Variants in SLC17A4 observed in about 807,000 individuals in gnomAD.
SLC17A4 encodes solute carrier family 17 member 4, also known as probable small intestine urate exporter.
Under a neutral mutation model 52.5 loss-of-function variants are expected in SLC17A4, and 33 were observed. The observed-to-expected ratio is 0.63, with a 90% CI of 0.48 to 0.84. SLC17A4 has a LOEUF of 0.84. SLC17A4 is among the 40% of genes least tolerant of loss of function. The probability of loss-of-function intolerance (pLI) is 0.00; values close to 1 mark genes in which losing one functional copy is unlikely to be tolerated. For missense variants in SLC17A4, 585 were observed against 597.1 expected, an observed-to-expected ratio of 0.98 and a Z score of 0.21; for synonymous variants, 225 against 216.2, an observed-to-expected ratio of 1.04 and a Z score of -0.36.
intron 2 of SLC17A4, among the ~76,000 whole-genome samples, chr6:25,762,298 G>A (rs949014805): frequency 1.3e-5 from 2 of 152,042 alleles, no homozygotes; most frequent in African/African-American, 4.8e-5. Context: ...AGAGATGAAG[G>A]AAAAAAATCA....
chr6:25,764,889 A>G (rs1446010612), intron 2 of SLC17A4, among the ~76,000 whole-genome samples: 2 of 152,220 alleles, frequency 1.3e-5, no homozygotes, highest in Admixed American at 1.3e-4. Context: ...GGAAATTTGG[A>G]AGGCTTTCTC....
At chr6:25,765,640 A>G (rs1316782371) in intron 2 of SLC17A4, among the ~76,000 whole-genome samples, 1 of 152,236 alleles carries the variant, frequency 6.6e-6, no homozygotes, top group Non-Finnish European at 1.5e-5. Context: ...GAGAAAGGAA[A>G]CTAAGGAGGA....
chr6:25,757,206 T>C (rs902126090), intron 1 of SLC17A4, among the ~76,000 whole-genome samples: 1 of 152,212 alleles, frequency 6.6e-6, no homozygotes, highest in African/African-American at 2.4e-5. Flanking sequence ...GCTTTAGTGG[T>C]ACGTTACATA....
chr6:25,769,245 G>T (rs1295540586), intron 3 of SLC17A4, 55 bp downstream of exon 3: 1 of 1,496,774 alleles, frequency 6.7e-7, no homozygotes, highest in Non-Finnish European at 9.2e-7. Context: ...TTGACTTAAA[G>T]AGTTATAAAA....
At chr6:25,760,072 T>C (rs575064213) in intron 1 of SLC17A4, among the ~76,000 whole-genome samples, 1 of 152,294 alleles carries the variant, frequency 6.6e-6, no homozygotes, top group Non-Finnish European at 1.5e-5. Flanking sequence ...CCTCAAACAA[T>C]AGCTCATTTC....
intron 1 of SLC17A4, among the ~76,000 whole-genome samples, chr6:25,759,722 G>A (rs1034117840): frequency 2.0e-5 from 3 of 152,198 alleles, no homozygotes; most frequent in Admixed American, 6.5e-5. Context: ...CATTTGCATG[G>A]AATATCTAGT....
At chr6:25,767,652 AC>A (rs1436565349) in intron 2 of SLC17A4, among the ~76,000 whole-genome samples, 2 of 152,206 alleles carry the variant, frequency 1.3e-5, no homozygotes, top group Non-Finnish European at 2.9e-5. Context: ...TGTCACACCA[AC>A]AACTAGCAGC....
intron 1 of SLC17A4, 114 bp from the exon 2 acceptor site, chr6:25,761,813 C>T: frequency 3.3e-6 from 2 of 607,956 alleles, no homozygotes; most frequent in Non-Finnish European, 5.5e-6. Flanking sequence ...TTTCATAAAC[C>T]CTAATCTACC....
At chr6:25,769,239 C>A in intron 3 of SLC17A4, 49 bp downstream of exon 3, 1 of 1,499,368 alleles carries the variant, frequency 6.7e-7, no homozygotes. Flanking sequence ...AATAATTTGA[C>A]TTAAAGAGTT....
intron 6 of SLC17A4, among the ~76,000 whole-genome samples, chr6:25,771,948 GT>G (rs1290997652): frequency 6.6e-6 from 1 of 152,110 alleles, no homozygotes; most frequent in African/African-American, 2.4e-5. Flanking sequence ...CCTAGCTGCT[GT>G]TACCTTTAGT....
chr6:25,768,004 G>A (rs981229290), intron 2 of SLC17A4, among the ~76,000 whole-genome samples: 1 of 152,138 alleles, frequency 6.6e-6, no homozygotes, highest in Non-Finnish European at 1.5e-5. Context: ...CTGAGTAAAA[G>A]ACCAATACTG....
At position 25,779,391 on chromosome 6, in the gene SLC17A4, G is replaced by A; in HGVS notation, c.*203G>A. On this transcript the variant is annotated 3_prime_UTR_variant, in exon 12 of 12. Coordinates refer to ENST00000377905, the MANE Select transcript of SLC17A4 (RefSeq NM_005495.3). ...ACTGCAAGCTACTAAAAGCATAGGTGTGTTGAGATTTCTGTGTTCTCCACT... is the reference window on the plus strand; with the variant it reads ...ACTGCAAGCTACTAAAAGCATAGGTATGTTGAGATTTCTGTGTTCTCCACT... The A allele has an allele frequency of 1.7e-6, 1 of 578,456 alleles. No homozygotes were observed. The highest frequency in any genetic ancestry group is 2.7e-5 in the South Asian group (1 of 37,122). 35.8% of individuals were successfully genotyped at this position (578,456 alleles called of 1,614,324 possible). A position where few individuals can be genotyped will look rare whatever the true frequency, so the allele number is the denominator to read the frequency against.
chr6:25,761,301 A>C (rs968529353), intron 1 of SLC17A4, among the ~76,000 whole-genome samples: 3 of 152,094 alleles, frequency 2.0e-5, no homozygotes, highest in African/African-American at 4.8e-5. Flanking sequence ...GAGGCATCTG[A>C]CTCTATATTA....
In SLC17A4 at chr6:25,780,808, A is replaced by ATTAT. The variant is rs1763250145; in HGVS notation, c.*1623_*1626dup. The ATTAT allele has an allele frequency of 6.6e-6, 1 of 152,110 alleles. No individual in the cohort carries two copies. 9.4% of individuals were successfully genotyped at this position (152,110 alleles called of 1,614,324 possible). On this transcript the variant is annotated 3_prime_UTR_variant, in exon 12 of 12. Transcript: ENST00000377905. ...TGAATGGATTATTTGATTTAGGTGG[A>ATTAT]TTATTTGATTTAGGGAATAAACCTG... is the stretch of plus-strand genomic sequence containing the variant.
At chr6:25,760,916 G>A (rs1347280857) in intron 1 of SLC17A4, among the ~76,000 whole-genome samples, 1 of 151,950 alleles carries the variant, frequency 6.6e-6, no homozygotes, top group Non-Finnish European at 1.5e-5. Context: ...TCTATTTTTG[G>A]AAGTTCGCAG....
In SLC17A4 at chr6:25,776,954, T is replaced by A. The variant is rs767124247; in HGVS notation, c.1263T>A (p.Ala421=). 6.8e-6 allele frequency: 11 copies of A among 1,610,774 alleles called. No individual in the cohort carries two copies. The highest frequency in any genetic ancestry group is 9.3e-6 in the Non-Finnish European group (11 of 1,178,086). The part of the protein sequence containing the change: ...SGALVNFLDI[A]PRYTGFLKGL... ...CCCTTGTTAACTTCTTGGATATTGC[T>A]CCTCGGTAGGGACCTCTTTTGCCTC... Residue 421 remains alanine (A), a synonymous_variant, in exon 10 of 12, where the codon GCT becomes GCA. Transcript: ENST00000377905.
chr6:25,772,950 T>C (rs1327765992), intron 6 of SLC17A4, among the ~76,000 whole-genome samples: 2 of 152,216 alleles, frequency 1.3e-5, no homozygotes, highest in East Asian at 3.8e-4. Flanking sequence ...TCTGTGTCTG[T>C]CATCTGCCTT....
intron 1 of SLC17A4, among the ~76,000 whole-genome samples, chr6:25,759,884 A>C (rs1181411477): frequency 6.6e-6 from 1 of 152,238 alleles, no homozygotes; most frequent in African/African-American, 2.4e-5. Context: ...TATTTCAGAA[A>C]ATATCTGCAT....
At chr6:25,767,015 G>C (rs1486681474) in intron 2 of SLC17A4, among the ~76,000 whole-genome samples, 1 of 152,158 alleles carries the variant, frequency 6.6e-6, no homozygotes, top group East Asian at 1.9e-4. Context: ...TGCAACAAAT[G>C]CACCATAAGA....
Sources: allele counts gnomAD v4.1 joint callset (sites outside exome capture counted in the v4.1 genomes callset), GRCh38; gene constraint gnomAD v4.1.1; transcripts MANE v1.5; gene names NCBI Gene and HGNC (gene_info 2026-07-23, HGNC 2026-07-21).